FBXO38: variants seen among roughly 807,000 people sequenced by gnomAD.
The protein encoded by FBXO38 is F-box protein 38.
In FBXO38, 53 loss-of-function variants were observed where a neutral mutation model predicts 131.9. That is an observed-to-expected ratio of 0.40 (90% CI 0.32 to 0.51). FBXO38 has a LOEUF of 0.51. Among genes scored for constraint, FBXO38 ranks in the 20% least tolerant of loss-of-function variants. FBXO38 has a pLI of 0.53. For synonymous variants in FBXO38, 452 were observed against 505.6 expected, an observed-to-expected ratio of 0.89 and a Z score of 1.42; for missense variants, 1,076 against 1,475.6, an observed-to-expected ratio of 0.73 and a Z score of 4.44.
chr5:148,438,928 G>T (rs1217276298), intron 18 of FBXO38, among the ~76,000 whole-genome samples: 2 of 152,146 alleles, frequency 1.3e-5, no homozygotes, highest in East Asian at 3.9e-4. Flanking sequence ...ATTATTAAGA[G>T]TATATTGTAT....
intron 18 of FBXO38, among the ~76,000 whole-genome samples, chr5:148,438,968 G>T (rs1174154069): frequency 2.0e-5 from 3 of 152,042 alleles, no homozygotes; most frequent in African/African-American, 7.2e-5. Flanking sequence ...GCCAAAAGAG[G>T]GTTTAAAGGA....
At chr5:148,401,710 A>C (rs1752160616) in intron 3 of FBXO38, among the ~76,000 whole-genome samples, 1 of 152,180 alleles carries the variant, frequency 6.6e-6, no homozygotes, top group Non-Finnish European at 1.5e-5. Context: ...TCTTTGTTGA[A>C]GATTTCTATG....
intron 18 of FBXO38, 143 bp from the exon 19 acceptor site, chr5:148,439,504 A>C (rs1041373865): frequency 7.8e-6 from 6 of 766,032 alleles, no homozygotes; most frequent in Non-Finnish European, 1.2e-5. Context: ...GACTGTTTTC[A>C]GGTCTGAATG....
chr5:148,420,665 C>G (rs750793864), intron 12 of FBXO38, among the ~76,000 whole-genome samples: 5 of 152,140 alleles, frequency 3.3e-5, no homozygotes, highest in African/African-American at 1.2e-4. Context: ...ACCCCATTAG[C>G]CTGAATTAAC....
At chr5:148,422,048 T>TC (rs928141942) in intron 12 of FBXO38, among the ~76,000 whole-genome samples, 3 of 80,838 alleles carry the variant, frequency 3.7e-5, no homozygotes, top group African/African-American at 1.3e-4. Context: ...GACCTTTCTC[T>TC]TTTTTTTTTT....
chr5:148,416,372 G>A (rs150237014), intron 11 of FBXO38, among the ~76,000 whole-genome samples: 5 of 152,180 alleles, frequency 3.3e-5, no homozygotes, highest in South Asian at 2.1e-4. Flanking sequence ...AAATTATTAC[G>A]TGGGATAATT....
chr5:148,402,684 T>G, intron 5 of FBXO38, 171 bp downstream of exon 5: 1 of 526,168 alleles, frequency 1.9e-6, no homozygotes, highest in Non-Finnish European at 3.3e-6. Flanking sequence ...AAAGATCCAC[T>G]GGTGTGAGGG....
intron 5 of FBXO38, 142 bp downstream of exon 5, chr5:148,402,655 A>T: frequency 1.4e-6 from 1 of 716,878 alleles, no homozygotes. Context: ...GATCTGTATA[A>T]AAATTCCGAT....
intron 18 of FBXO38, among the ~76,000 whole-genome samples, chr5:148,438,968 G>GTTAA (rs1561548410): frequency 5.9e-5 from 9 of 152,158 alleles, no homozygotes; most frequent in African/African-American, 2.2e-4. Flanking sequence ...GCCAAAAGAG[G>GTTAA]GTTTAAAGGA....
chr5:148,439,323 A>G (rs1159455330), intron 18 of FBXO38, among the ~76,000 whole-genome samples: 1 of 152,232 alleles, frequency 6.6e-6, no homozygotes, highest in Non-Finnish European at 1.5e-5. Flanking sequence ...CAGTTCTATA[A>G]TGCAGTCAGT....
intron 16 of FBXO38, 36 bp downstream of exon 16, chr5:148,433,560 C>A: frequency 6.4e-7 from 1 of 1,561,524 alleles, no homozygotes; most frequent in African/African-American, 1.4e-5. Context: ...TTATCACAGT[C>A]TAGCCCAGTT....
At chr5:148,410,578 T>C in intron 8 of FBXO38, 57 bp from the exon 9 acceptor site, 1 of 1,590,290 alleles carries the variant, frequency 6.3e-7, no homozygotes, top group Non-Finnish European at 8.6e-7. Context: ...TTAGGAGGAA[T>C]CTTTGATTCT....
chr5:148,422,237 C>T (rs11740595), intron 12 of FBXO38, among the ~76,000 whole-genome samples: 8,136 of 152,144 alleles, frequency 0.053, 392 homozygotes, highest in Admixed American at 0.14. Flanking sequence ...TAAATTGGAC[C>T]ACCAAATGCT....
At chr5:148,419,515 G>A (rs1254929497) in intron 12 of FBXO38, among the ~76,000 whole-genome samples, 2 of 152,212 alleles carry the variant, frequency 1.3e-5, no homozygotes, top group African/African-American at 4.8e-5. Context: ...AAATCTTCAA[G>A]TGAAAATAAT....
intron 12 of FBXO38, among the ~76,000 whole-genome samples, chr5:148,420,905 A>G (rs571506210): frequency 7.9e-5 from 12 of 151,516 alleles, no homozygotes; most frequent in African/African-American, 2.9e-4. Context: ...AATCCAACCA[A>G]CTCAGCCTCC....
At chr5:148,398,164 G>A (rs1751917032) in intron 2 of FBXO38, among the ~76,000 whole-genome samples, 1 of 152,098 alleles carries the variant, frequency 6.6e-6, no homozygotes, top group African/African-American at 2.4e-5. Context: ...ACCTCTTAAG[G>A]TTGTTGTGAA....
rs769626215 is a variant in FBXO38 at position 148,402,400 on chromosome 5, C to A, written c.479C>A (p.Pro160His). The change falls in exon 5 of 22, where the codon CCC becomes CAC. Residue 160 changes from proline to histidine, a missense_variant. Coordinates refer to ENST00000340253, the MANE Select transcript of FBXO38 (RefSeq NM_205836.3). Reference sequence around the variant, plus strand: ...GTAGAATCCATTTGGACATATATGCCCCATGTTCATATTTTGGGGAAATTT... The same window carrying A: ...GTAGAATCCATTTGGACATATATGCACCATGTTCATATTTTGGGGAAATTT... Reference protein sequence around the residue: ...ELVESIWTYMPHVHILGKFRN... With the variant: ...ELVESIWTYMHHVHILGKFRN... 1.9e-6 allele frequency: 3 copies of A among 1,612,820 alleles called. No individual in the cohort carries two copies. The highest frequency in any genetic ancestry group is 2.7e-5 in the African/African-American group (2 of 74,942).
At chr5:148,424,292 C>T (rs891177616) in intron 13 of FBXO38, among the ~76,000 whole-genome samples, 175 bp downstream of exon 13, 1 of 152,204 alleles carries the variant, frequency 6.6e-6, no homozygotes, top group African/African-American at 2.4e-5. Context: ...ATGTATCTTA[C>T]TAAAGTTTGT....
chr5:148,385,136 A>C (rs1317626503), intron 1 of FBXO38: 1 of 152,206 alleles, frequency 6.6e-6, no homozygotes, highest in Non-Finnish European at 1.5e-5. Flanking sequence ...AGACTGAAAA[A>C]AATCCGCTTG....
Sources: gnomAD v4.1 joint callset for allele counts (sites outside exome capture counted in the v4.1 genomes callset) on GRCh38, gnomAD v4.1.1 for gene constraint, MANE v1.5 for transcripts, NCBI Gene and HGNC (gene_info 2026-07-23, HGNC 2026-07-21) for gene names.